Variants in PIN1 observed in about 807,000 individuals in gnomAD.
The protein encoded by PIN1 is peptidyl-prolyl cis-trans isomerase NIMA-interacting 1.
PIN1 carries 8 observed loss-of-function variants against 19.9 expected under a neutral mutation model. The ratio of observed to expected loss-of-function variants is 0.40; its 90% CI spans 0.24 to 0.72. PIN1 has a LOEUF of 0.72. Among genes scored for constraint, PIN1 ranks in the 30% least tolerant of loss-of-function variants. PIN1 has a pLI of 0.37. For synonymous variants in PIN1, 86 were observed against 90.8 expected (o/e 0.95, Z 0.30); for missense variants, 185 against 226.5 (o/e 0.82, Z 1.18).
chr19:9,838,738 C>A lies in PIN1; in HGVS notation c.271+90C>A. 1 of 1,090,858 alleles carries A rather than the reference C, an allele frequency of 9.2e-7. No individual in the cohort carries two copies. The highest frequency in any genetic ancestry group is 1.3e-6 in the Non-Finnish European group (1 of 758,914). 67.6% of individuals were successfully genotyped at this position (1,090,858 alleles called of 1,614,324 possible). ...ACATCAGACCCTTCACCCCAGCTTG[C>A]TCAGCTGCCAGGCGTGGTGTTGGCC... On this transcript the variant is annotated intron_variant, in intron 2 of 3. Coordinates refer to ENST00000247970, the MANE Select transcript of PIN1 (RefSeq NM_006221.4). This position sits in a 1 kb window ranked among gnomAD's most constrained non-coding sequence, Gnocchi z 5.8.
chr19:9,836,880 G>C, intron 1 of PIN1: 1 of 1,282,930 alleles, frequency 7.8e-7, no homozygotes, highest in Non-Finnish European at 1.0e-6. Context: ...CAAAAGGTGA[G>C]GTCTCCGTTT....
chr19:9,839,554 T>A (rs772882889), intron 2 of PIN1, among the ~76,000 whole-genome samples: 4 of 152,232 alleles, frequency 2.6e-5, no homozygotes, highest in Non-Finnish European at 5.9e-5. Flanking sequence ...AAAGGCCAGA[T>A]GGTAAATATT....
chr19:9,849,042 C>A (rs2046248708), intron 3 of PIN1, 48 bp from the exon 4 acceptor site: 2 of 1,302,428 alleles, frequency 1.5e-6, no homozygotes. Context: ...TCATCCTGGC[C>A]TCTGCCAGCC....
intron 2 of PIN1, among the ~76,000 whole-genome samples, chr19:9,842,805 G>A (rs2046181408): frequency 1.3e-5 from 2 of 152,336 alleles, no homozygotes; most frequent in South Asian, 4.1e-4. Context: ...TGAAGTGGAT[G>A]TTCTCCCCTC....
chr19:9,845,515 AAAAT>A (rs1430248559), intron 2 of PIN1, among the ~76,000 whole-genome samples: 3 of 152,124 alleles, frequency 2.0e-5, no homozygotes, highest in Non-Finnish European at 4.4e-5. Context: ...TTTAAAAAAA[AAAAT>A]CATTCCAGCT....
rs779218379 is a variant in PIN1 at position 9,838,416 on chromosome 19, C to T, written c.59-20C>T. On this transcript the variant is annotated intron_variant, in intron 1 of 3. Transcript: ENST00000247970. The surrounding 1 kb of genome is among the most constrained non-coding windows in gnomAD (Gnocchi z 5.8). ...TGGGAGCACAACCCTAGCTGAATTC[C>T]TGCCTGCCCTCCCCTCCAGGCCGAG... 4.4e-6 allele frequency: 7 copies of T among 1,578,706 alleles called. No homozygotes were observed. The highest frequency in any genetic ancestry group is 6.0e-6 in the Non-Finnish European group (7 of 1,162,314).
intron 2 of PIN1, among the ~76,000 whole-genome samples, chr19:9,842,673 TCTC>T (rs1358001693): frequency 1.3e-5 from 2 of 152,170 alleles, no homozygotes; most frequent in Non-Finnish European, 2.9e-5. Context: ...CTGGGGCAGA[TCTC>T]CTCAGAGGTC....
At chr19:9,843,894 T>C (rs929072873) in intron 2 of PIN1, among the ~76,000 whole-genome samples, 2 of 150,476 alleles carry the variant, frequency 1.3e-5, no homozygotes, top group Admixed American at 1.3e-4. Context: ...CTAAAAATAC[T>C]AAAAAAAAAG....
At chr19:9,842,717 C>T (rs947363225) in intron 2 of PIN1, among the ~76,000 whole-genome samples, 1 of 152,210 alleles carries the variant, frequency 6.6e-6, no homozygotes, top group Non-Finnish European at 1.5e-5. Context: ...TGGCCCCGGC[C>T]GAGGTACACT....
intron 3 of PIN1, among the ~76,000 whole-genome samples, chr19:9,848,817 C>G (rs145034192): frequency 1.3e-5 from 2 of 152,178 alleles, no homozygotes; most frequent in African/African-American, 4.8e-5. Flanking sequence ...AGTTCACTAC[C>G]GAAGTGGCCC....
intron 2 of PIN1, among the ~76,000 whole-genome samples, chr19:9,845,412 A>G (rs1369276157): frequency 7.5e-6 from 1 of 133,012 alleles, no homozygotes; most frequent in African/African-American, 2.8e-5. Flanking sequence ...TTTGTTTGAA[A>G]TGGAGTTTCG....
intron 2 of PIN1, among the ~76,000 whole-genome samples, chr19:9,840,741 C>T (rs138284317): frequency 6.6e-6 from 1 of 152,258 alleles, no homozygotes; most frequent in East Asian, 1.9e-4. Flanking sequence ...GGACTGCAGG[C>T]TCATAACACC....
At position 9,842,921 on chromosome 19, in the gene PIN1, C is replaced by T. The variant is rs564868431; in HGVS notation, c.271+4273C>T. On this transcript the variant is annotated intron_variant, in intron 2 of 3. Coordinates refer to ENST00000247970, the MANE Select transcript of PIN1 (RefSeq NM_006221.4). ...TGCCCATTTAGATCTGGTGCTCCGC[C>T]CTTGCCCCGAAGGGACAGGCTGCCT... is the stretch of plus-strand genomic sequence containing the variant. Among the ~76,000 whole-genome samples, 13 of 152,352 alleles carry T rather than the reference C, an allele frequency of 8.5e-5. No individual in the cohort carries two copies. The South Asian group carries it at 2.7e-3, about 32-fold the overall frequency.
intron 2 of PIN1, among the ~76,000 whole-genome samples, chr19:9,842,352 T>C (rs2046176291): frequency 6.6e-6 from 1 of 152,102 alleles, no homozygotes; most frequent in South Asian, 2.1e-4. Context: ...AGCTGTGTGG[T>C]CTTCATTTCC....
chr19:9,840,634 T>G (rs545147319), intron 2 of PIN1, among the ~76,000 whole-genome samples: 1 of 152,280 alleles, frequency 6.6e-6, no homozygotes, highest in African/African-American at 2.4e-5. Flanking sequence ...AGGGTCTTGC[T>G]CTGTCACCCA....
At chr19:9,845,383 T>TTGTC (rs2046211290) in intron 2 of PIN1, among the ~76,000 whole-genome samples, 1 of 148,598 alleles carries the variant, frequency 6.7e-6, no homozygotes, top group Non-Finnish European at 1.5e-5. Flanking sequence ...GTTTTTTTGT[T>TTGTC]TGTTTGTTTG....
chr19:9,838,878 G>A lies in PIN1; in HGVS notation c.271+230G>A, dbSNP rs1387494697. The stretch of plus-strand genomic sequence containing the variant: ...TAGGGGCAGAGGACCCAGCCTGGGG[G>A]CTGGCAGACATGGGTTCAGGTAGTA... On this transcript the variant is annotated intron_variant, in intron 2 of 3. Transcript: ENST00000247970. The surrounding 1 kb of genome is among the most constrained non-coding windows in gnomAD (Gnocchi z 5.8). 2.0e-5 allele frequency among the ~76,000 whole-genome samples: 3 copies of A among 152,156 alleles called. No individual in the cohort carries two copies. The highest frequency in any genetic ancestry group is 2.9e-5 in the Non-Finnish European group (2 of 68,024).
intron 2 of PIN1, 32 bp from the exon 3 acceptor site, chr19:9,847,998 C>G (rs374690127): frequency 1.4e-6 from 2 of 1,412,810 alleles, no homozygotes; most frequent in East Asian, 4.6e-5. Flanking sequence ...CAACCCCTGA[C>G]CTGGCACTCC....
intron 1 of PIN1, chr19:9,836,495 A>G (rs554641295): frequency 5.8e-5 from 12 of 206,958 alleles, no homozygotes; most frequent in Non-Finnish European, 1.1e-4. Flanking sequence ...GACCTCCAGC[A>G]TAAACCGGAT....
Sources: gnomAD v4.1 joint callset for allele counts (sites outside exome capture counted in the v4.1 genomes callset) on GRCh38, gnomAD v4.1.1 for gene constraint, Gnocchi (gnomAD v3.1) non-coding constraint, MANE v1.5 for transcripts, NCBI Gene and HGNC (gene_info 2026-07-23, HGNC 2026-07-21) for gene names.